Variants in INPP5F observed in about 807,000 individuals in gnomAD.
INPP5F encodes inositol polyphosphate-5-phosphatase F.
A neutral mutation model predicts 137.2 loss-of-function variants in INPP5F; 97 were observed. The ratio of observed to expected loss-of-function variants is 0.71; its 90% CI spans 0.60 to 0.84. The LOEUF is 0.84. Ranked by LOEUF, INPP5F falls within the 40% of genes least tolerant of loss-of-function variation. INPP5F has a pLI of 0.00. For synonymous variants in INPP5F, 504 were observed against 476.9 expected, an observed-to-expected ratio of 1.06 and a Z score of -0.74; for missense variants, 1,271 against 1,371.9, an observed-to-expected ratio of 0.93 and a Z score of 1.16.
chr10:119,756,073 T>C (rs1848832371), intron 2 of INPP5F, among the ~76,000 whole-genome samples: 1 of 152,016 alleles, frequency 6.6e-6, no homozygotes, highest in Non-Finnish European at 1.5e-5. Flanking sequence ...GGAGAATTGC[T>C]TGAGCCCAGG....
In INPP5F at chr10:119,815,769, T is replaced by C. The variant is rs540185623; in HGVS notation, c.1886+3814T>C. 9.1e-5 allele frequency: 15 copies of C among 165,050 alleles called. No individual in the cohort carries two copies. The East Asian group carries it at 2.4e-3, about 26-fold the overall frequency. 10.2% of individuals were successfully genotyped at this position (165,050 alleles called of 1,614,324 possible). A position where few individuals can be genotyped will look rare whatever the true frequency, so the allele number is the denominator to read the frequency against. On this transcript the variant is annotated intron_variant, in intron 15 of 19. Coordinates refer to ENST00000650623, the MANE Select transcript of INPP5F (RefSeq NM_014937.4). Reference sequence around the variant, plus strand: ...ACAAGGGTCACTGACTTGTGGAATTTGTGTGTGGTCTGCTCTTTGGAGACA... The same window carrying C: ...ACAAGGGTCACTGACTTGTGGAATTCGTGTGTGGTCTGCTCTTTGGAGACA...
chr10:119,826,980 T>C lies in INPP5F; in HGVS notation c.2599T>C (p.Ser867Pro). The C allele has an allele frequency of 6.2e-7, 1 of 1,614,104 alleles. No homozygotes were observed. The highest frequency in any genetic ancestry group is 8.5e-7 in the Non-Finnish European group (1 of 1,179,976). ...SYHSDEFLTN[S>P]KSDEDRQLAN... ...CCACTCTGATGAATTCCTTACAAAT[T>C]CTAAGTCTGATGAAGACAGGCAGCT... Residue 867 changes from serine (S) to proline (P), a missense_variant, in exon 20 of 20, where the codon TCT becomes CCT. Physicochemically the swap from Ser to Pro is moderately conservative, Grantham distance 74. This residue lies in a region of INPP5F where 490 missense variants were observed against 443.7 expected (regional missense o/e 1.10). Transcript: ENST00000650623.
In INPP5F at chr10:119,764,247, T is replaced by C. The variant is rs186958441; in HGVS notation, c.178+13091T>C. Reference sequence around the variant, plus strand: ...CTTCCACATCTTTAGATGTTTGTTATAGCAGCACCCCTGCTGCTTGGTACC... The same window carrying C: ...CTTCCACATCTTTAGATGTTTGTTACAGCAGCACCCCTGCTGCTTGGTACC... On this transcript the variant is annotated intron_variant, in intron 2 of 19. Transcript: ENST00000650623. Among the ~76,000 whole-genome samples, 33 of 152,344 alleles carry C rather than the reference T, an allele frequency of 2.2e-4. 2 individuals are homozygous for C. The East Asian group carries it at 6.4e-3, about 29-fold the overall frequency.
At chr10:119,770,303 T>C (rs538506393) in intron 2 of INPP5F, among the ~76,000 whole-genome samples, 135 of 152,310 alleles carry the variant, frequency 8.9e-4, no homozygotes, top group South Asian at 3.7e-3. Flanking sequence ...TGTTATACTG[T>C]GTATATCCTG....
At chr10:119,804,562 C>T (rs1295600068) in intron 10 of INPP5F, among the ~76,000 whole-genome samples, 4 of 152,140 alleles carry the variant, frequency 2.6e-5, no homozygotes, top group Admixed American at 6.5e-5. Flanking sequence ...TTTGATCACA[C>T]CAGCTAAAGA....
intron 15 of INPP5F, among the ~76,000 whole-genome samples, chr10:119,820,312 A>G (rs1057259308): frequency 6.6e-6 from 1 of 152,240 alleles, no homozygotes; most frequent in African/African-American, 2.4e-5. Context: ...AAAGCCAAAT[A>G]ATCTATAATG....
chr10:119,826,855 G>A lies in INPP5F; in HGVS notation c.2474G>A (p.Trp825Ter). The change falls in exon 20 of 20, where the codon TGG becomes TAG. Residue 825 changes from tryptophan to a stop codon, truncating the protein, a stop_gained. Coordinates refer to ENST00000650623, the MANE Select transcript of INPP5F (RefSeq NM_014937.4). LOFTEE classifies it high-confidence loss of function. ...AAACCAAACTTAAAAGTAAATCTTT[G>A]GAAATCAGATAGTAGTCTTGAAACT... ...FLKPNLKVNLWKSDSSLETME... is the reference protein window; with the variant it reads ...FLKPNLKVNL 4 of 1,613,840 alleles carry A rather than the reference G, an allele frequency of 2.5e-6. No homozygotes were observed. Among genetic ancestry groups the A allele is most frequent in the Non-Finnish European group, 3.4e-6 (4 of 1,179,904 alleles).
At chr10:119,790,892 A>C (rs1342639753) in intron 3 of INPP5F, among the ~76,000 whole-genome samples, 1 of 152,046 alleles carries the variant, frequency 6.6e-6, no homozygotes, top group Non-Finnish European at 1.5e-5. Context: ...GCCCTTCCTT[A>C]CCCTTGTCAG....
At chr10:119,820,792 A>G in intron 15 of INPP5F, 54 bp from the exon 16 acceptor site, 1 of 1,449,494 alleles carries the variant, frequency 6.9e-7, no homozygotes. Flanking sequence ...TATGCTTGGC[A>G]AAAAATGCAG....
Position 119,797,363 on chromosome 10 carries a change from C to G in INPP5F, c.869-98C>G, listed in dbSNP as rs963361889. On this transcript the variant is annotated intron_variant, in intron 7 of 19. Coordinates refer to ENST00000650623, the MANE Select transcript of INPP5F (RefSeq NM_014937.4). Reference sequence around the variant, plus strand: ...GCAGTTGCACACTGAATCCCCAAGGCTATCCTGGAAGACATACATTTGATT... The same window carrying G: ...GCAGTTGCACACTGAATCCCCAAGGGTATCCTGGAAGACATACATTTGATT... The G allele has an allele frequency of 9.4e-6, 9 of 960,798 alleles. No individual in the cohort carries two copies. In the East Asian group the frequency reaches 2.1e-4, roughly 22 times the overall value. 59.5% of individuals were successfully genotyped at this position (960,798 alleles called of 1,614,324 possible).
chr10:119,769,618 G>A (rs1849277385), intron 2 of INPP5F, among the ~76,000 whole-genome samples: 2 of 152,114 alleles, frequency 1.3e-5, no homozygotes, highest in Non-Finnish European at 2.9e-5. Flanking sequence ...GTTGAGGGCC[G>A]GAACAGAAGC....
intron 19 of INPP5F, among the ~76,000 whole-genome samples, chr10:119,824,672 A>G (rs1187746243): frequency 6.6e-6 from 1 of 152,196 alleles, no homozygotes; most frequent in Non-Finnish European, 1.5e-5. Context: ...AGACTATGTA[A>G]ATATTGTTTC....
Position 119,807,989 on chromosome 10 carries a change from A to G in INPP5F, c.1498A>G (p.Ile500Val). The change falls in exon 13 of 20, where the codon ATC becomes GTC. Residue 500 changes from isoleucine to valine, a missense_variant. This residue lies in a region of INPP5F where 593 missense variants were observed against 712.4 expected (regional missense o/e 0.83). Transcript: ENST00000650623. ...GCCATTACCTGTGAAATGTAATCGC[A>G]TCTACCAGATAATGTGGGCCAATAA... ...EQPLPVKCNR[I>V]YQIMWANNGD... is the part of the protein sequence containing the mutation. 1 of 1,614,016 alleles carries G rather than the reference A, an allele frequency of 6.2e-7. No homozygotes were observed. The highest frequency in any genetic ancestry group is 8.5e-7 in the Non-Finnish European group (1 of 1,179,986).
At chr10:119,742,116 G>A (rs1038494428) in intron 1 of INPP5F, among the ~76,000 whole-genome samples, 2 of 151,746 alleles carry the variant, frequency 1.3e-5, no homozygotes, top group Admixed American at 6.6e-5. Context: ...GAGCCACTGC[G>A]CCCGGCCCGA....
At chr10:119,762,362 C>A (rs1202091691) in intron 2 of INPP5F, among the ~76,000 whole-genome samples, 1 of 152,166 alleles carries the variant, frequency 6.6e-6, no homozygotes, top group African/African-American at 2.4e-5. Context: ...TGAGTCCTCA[C>A]ATGGCAGGAG....
intron 2 of INPP5F, among the ~76,000 whole-genome samples, chr10:119,773,719 A>G (rs34261988): frequency 0.042 from 6,336 of 152,076 alleles, 235 homozygotes; most frequent in South Asian, 0.22. Context: ...TCTGTCTCCA[A>G]TGTTGGGTTT....
chr10:119,762,972 G>C (rs2134144832), intron 2 of INPP5F, among the ~76,000 whole-genome samples: 2 of 152,274 alleles, frequency 1.3e-5, no homozygotes, highest in South Asian at 4.1e-4. Flanking sequence ...ATCTAACTCA[G>C]ATGTGGGTGA....
intron 1 of INPP5F, among the ~76,000 whole-genome samples, chr10:119,727,400 G>C (rs1207922406): frequency 6.6e-6 from 1 of 152,228 alleles, no homozygotes; most frequent in Non-Finnish European, 1.5e-5. Flanking sequence ...TTTAAGGACA[G>C]GCCCTTTAAC....
chr10:119,810,251 T>C, intron 14 of INPP5F, 34 bp downstream of exon 14: 1 of 1,154,612 alleles, frequency 8.7e-7, no homozygotes, highest in Non-Finnish European at 1.3e-6. Context: ...TTCCTCAAAA[T>C]TTATGTCTTC....
Sources: gnomAD v4.1 joint callset for allele counts (sites outside exome capture counted in the v4.1 genomes callset) on GRCh38, gnomAD v4.1.1 for gene constraint, gnomAD v4.1.1 regional missense constraint, MANE v1.5 for transcripts, NCBI Gene and HGNC (gene_info 2026-07-23, HGNC 2026-07-21) for gene names.